Variants in DPP10 observed in about 807,000 individuals in gnomAD.
DPP10 encodes inactive dipeptidyl peptidase 10.
DPP10 carries 33 observed loss-of-function variants against 120.9 expected under a neutral mutation model. That is an observed-to-expected ratio of 0.27 (90% confidence interval 0.21 to 0.37). The LOEUF (loss-of-function observed/expected upper bound fraction) is 0.37. DPP10 is among the 10% of genes least tolerant of loss of function. The pLI, the probability that DPP10 is intolerant of heterozygous loss-of-function variation, is 1.00. For missense variants in DPP10, 816 were observed against 942.8 expected (o/e 0.87, Z 1.76); for synonymous variants, 337 against 326.1 (o/e 1.03, Z -0.36).
chr2:115,513,237 T>C (rs1262387401), intron 4 of DPP10, among the ~76,000 whole-genome samples: 13 of 151,922 alleles, frequency 8.6e-5, no homozygotes, highest in Admixed American at 8.5e-4. Context: ...GGTATACCTT[T>C]TTCACCTTTT....
At chr2:114,826,724 T>A (rs13023640) in intron 1 of DPP10, among the ~76,000 whole-genome samples, 106,928 of 151,956 alleles carry the variant, frequency 0.7, 41,440 homozygotes, top group East Asian at 0.97. Flanking sequence ...AGAGATGGGG[T>A]TCACCATATT....
intron 1 of DPP10, among the ~76,000 whole-genome samples, chr2:114,451,941 A>C (rs1678302909): frequency 1.3e-5 from 2 of 152,194 alleles, no homozygotes; most frequent in African/African-American, 4.8e-5. Context: ...TAACAAGAAC[A>C]AAAGGTTTGT....
chr2:115,486,581 C>A (rs1321559875), intron 3 of DPP10, among the ~76,000 whole-genome samples: 1 of 152,028 alleles, frequency 6.6e-6, no homozygotes, highest in Non-Finnish European at 1.5e-5. Context: ...TTTAAATAGA[C>A]TGGACCATTC....
At chr2:115,387,814 A>G (rs2067051481) in intron 3 of DPP10, among the ~76,000 whole-genome samples, 1 of 152,220 alleles carries the variant, frequency 6.6e-6, no homozygotes, top group Non-Finnish European at 1.5e-5. Flanking sequence ...TGAAGCTCAC[A>G]TTATAATTTA....
At chr2:114,958,267 T>C (rs1225710515) in intron 1 of DPP10, among the ~76,000 whole-genome samples, 2 of 152,200 alleles carry the variant, frequency 1.3e-5, no homozygotes, top group Non-Finnish European at 2.9e-5. Flanking sequence ...CTGATGGGAT[T>C]GGCCAAGACG....
chr2:115,677,669 CAAA>C (rs1461171161), intron 5 of DPP10, among the ~76,000 whole-genome samples: 2 of 152,040 alleles, frequency 1.3e-5, no homozygotes, highest in Non-Finnish European at 2.9e-5. Context: ...AAAAAAGAAA[CAAA>C]GAAGGTTATT....
chr2:114,461,504 T>C (rs7605852), intron 1 of DPP10: 42,724 of 866,336 alleles, frequency 0.049, 4,193 homozygotes, highest in African/African-American at 0.37. Context: ...CTCAACCAAT[T>C]AGCCTCTCCC....
intron 1 of DPP10, among the ~76,000 whole-genome samples, chr2:114,654,312 C>T (rs142325733): frequency 2.0e-5 from 3 of 152,210 alleles, no homozygotes; most frequent in East Asian, 3.9e-4. Flanking sequence ...TGACCCCCAT[C>T]GTTGTCTTGG....
intron 1 of DPP10, among the ~76,000 whole-genome samples, chr2:115,010,012 AC>A (rs1191126295): frequency 6.6e-6 from 1 of 152,206 alleles, no homozygotes; most frequent in Non-Finnish European, 1.5e-5. Flanking sequence ...TTAAAATAAA[AC>A]ATAATTGAAT....
At chr2:115,672,182 A>G (rs759309606) in intron 5 of DPP10, among the ~76,000 whole-genome samples, 27 of 152,144 alleles carry the variant, frequency 1.8e-4, no homozygotes, top group Non-Finnish European at 3.5e-4. Flanking sequence ...TAGTTATTCC[A>G]TTATAGACCT....
intron 5 of DPP10, among the ~76,000 whole-genome samples, chr2:115,548,169 T>A (rs1396150131): frequency 6.6e-6 from 1 of 152,190 alleles, no homozygotes; most frequent in Non-Finnish European, 1.5e-5. Context: ...AAACATCTAA[T>A]CTGATTCCTC....
intron 1 of DPP10, among the ~76,000 whole-genome samples, chr2:114,762,137 A>T: frequency 6.6e-6 from 1 of 152,220 alleles, no homozygotes; most frequent in East Asian, 1.9e-4. Flanking sequence ...CCACCTTCTT[A>T]GCTTTAATTA....
intron 1 of DPP10, among the ~76,000 whole-genome samples, chr2:114,839,452 C>G (rs1687987621): frequency 6.6e-6 from 1 of 152,000 alleles, no homozygotes; most frequent in South Asian, 2.1e-4. Flanking sequence ...AATTTATTAA[C>G]ATAAAAATAA....
chr2:115,523,845 T>C (rs2077970873), intron 4 of DPP10, among the ~76,000 whole-genome samples: 1 of 152,180 alleles, frequency 6.6e-6, no homozygotes, highest in African/African-American at 2.4e-5. Context: ...GGTAGATGAC[T>C]GATCAGTGGT....
intron 1 of DPP10, among the ~76,000 whole-genome samples, chr2:114,970,473 T>C (rs1332880129): frequency 6.6e-6 from 1 of 152,176 alleles, no homozygotes; most frequent in Non-Finnish European, 1.5e-5. Context: ...ATGAAAATGA[T>C]AGGTTGTTTG....
chr2:114,451,596 T>C (rs1445286461), intron 1 of DPP10, among the ~76,000 whole-genome samples: 1 of 152,046 alleles, frequency 6.6e-6, no homozygotes, highest in Non-Finnish European at 1.5e-5. Context: ...GCAACTGTCA[T>C]GAAAGTATTT....
chr2:115,623,120 C>T (rs1575366262), intron 5 of DPP10, among the ~76,000 whole-genome samples: 1 of 152,302 alleles, frequency 6.6e-6, no homozygotes, highest in Middle Eastern at 3.4e-3. Flanking sequence ...GCTGGGATTA[C>T]AGGCGTGAGC....
chr2:115,560,271 T>C (rs1430261081), intron 5 of DPP10, among the ~76,000 whole-genome samples: 5 of 140,288 alleles, frequency 3.6e-5, no homozygotes, highest in Non-Finnish European at 6.1e-5. Context: ...CTCGGGAGGC[T>C]GAGGCAGGAG....
At chr2:114,773,974 A>G (rs562829013) in intron 1 of DPP10, among the ~76,000 whole-genome samples, 2 of 152,152 alleles carry the variant, frequency 1.3e-5, no homozygotes, top group East Asian at 1.9e-4. Flanking sequence ...TTTATCAAAT[A>G]TAAAAGTATA....
Sources: gnomAD v4.1 joint callset for allele counts (sites outside exome capture counted in the v4.1 genomes callset) on GRCh38, gnomAD v4.1.1 for gene constraint, MANE v1.5 for transcripts, NCBI Gene and HGNC (gene_info 2026-07-23, HGNC 2026-07-21) for gene names.